The following CAMK1D variants were observed in gnomAD, a reference collection of about 807,000 sequenced individuals.
CAMK1D encodes calcium/calmodulin-dependent protein kinase type 1D.
Under a neutral mutation model 47.7 loss-of-function variants are expected in CAMK1D, and 9 were observed. That is an observed-to-expected ratio of 0.19 (90% CI 0.11 to 0.33). The LOEUF is 0.33. Ranked by LOEUF, CAMK1D falls within the 10% of genes least tolerant of loss-of-function variation. CAMK1D has a pLI of 1.00. For missense variants in CAMK1D, 291 were observed against 488.7 expected (o/e 0.60, Z 3.81); for synonymous variants, 184 against 184.9 (o/e 0.99, Z 0.04).
chr10:12,443,161 A>G (rs1330548622), intron 1 of CAMK1D, among the ~76,000 whole-genome samples: 1 of 152,170 alleles, frequency 6.6e-6, no homozygotes, highest in Non-Finnish European at 1.5e-5. Context: ...GTGAAGCCTC[A>G]GTAGTGAAAC....
At chr10:12,635,042 G>A (rs1423553296) in intron 2 of CAMK1D, among the ~76,000 whole-genome samples, 2 of 152,196 alleles carry the variant, frequency 1.3e-5, no homozygotes, top group African/African-American at 4.8e-5. Flanking sequence ...TGTTTTGATG[G>A]GGCGTATGTT....
chr10:12,392,946 C>T (rs1271007395), intron 1 of CAMK1D, among the ~76,000 whole-genome samples: 2 of 152,106 alleles, frequency 1.3e-5, no homozygotes, highest in African/African-American at 4.8e-5. Context: ...ACACAACACA[C>T]ACACACATAC....
At chr10:12,639,600 C>T (rs1222914303) in intron 2 of CAMK1D, among the ~76,000 whole-genome samples, 1 of 152,104 alleles carries the variant, frequency 6.6e-6, no homozygotes, top group Non-Finnish European at 1.5e-5. Context: ...GCCTCAGGAG[C>T]ATTTTCGTCT....
At chr10:12,718,251 C>T (rs1307241778) in intron 3 of CAMK1D, among the ~76,000 whole-genome samples, 6 of 152,044 alleles carry the variant, frequency 3.9e-5, no homozygotes, top group Non-Finnish European at 8.8e-5. Flanking sequence ...AAATAGGGTT[C>T]GAAAGACAAC....
intron 5 of CAMK1D, among the ~76,000 whole-genome samples, chr10:12,786,688 G>C (rs1004182686): frequency 3.3e-5 from 5 of 152,188 alleles, no homozygotes; most frequent in African/African-American, 1.2e-4. Context: ...CTTCCAAAAT[G>C]CTGGATTATA....
intron 2 of CAMK1D, among the ~76,000 whole-genome samples, chr10:12,633,704 G>T (rs1049498577): frequency 6.6e-6 from 1 of 151,822 alleles, no homozygotes; most frequent in Non-Finnish European, 1.5e-5. Context: ...CCACAGGCAC[G>T]CACCATCATG....
intron 1 of CAMK1D, among the ~76,000 whole-genome samples, chr10:12,357,262 C>G (rs770859441): frequency 5.3e-5 from 8 of 152,086 alleles, no homozygotes; most frequent in Non-Finnish European, 1.0e-4. Flanking sequence ...ACCTCTGCCA[C>G]CCGAGTTCAA....
intron 2 of CAMK1D, among the ~76,000 whole-genome samples, chr10:12,615,858 GTA>G (rs554907296): frequency 0.015 from 485 of 33,174 alleles, 4 homozygotes; most frequent in Middle Eastern, 0.14. Flanking sequence ...GTGTAGGTGT[GTA>G]TGCATGTATG....
intron 1 of CAMK1D, among the ~76,000 whole-genome samples, chr10:12,423,479 C>T (rs750878066): frequency 8.6e-5 from 13 of 152,006 alleles, no homozygotes; most frequent in South Asian, 2.1e-4. Flanking sequence ...CCTGTGACTA[C>T]GCTCCAGCCC....
intron 1 of CAMK1D, among the ~76,000 whole-genome samples, chr10:12,503,708 A>T (rs1435814300): frequency 2.0e-5 from 3 of 152,174 alleles, no homozygotes; most frequent in Non-Finnish European, 4.4e-5. Context: ...GATTTCTAAC[A>T]AAATGATTTT....
At chr10:12,810,372 T>A (rs542967738) in intron 6 of CAMK1D, among the ~76,000 whole-genome samples, 164 of 150,834 alleles carry the variant, frequency 1.1e-3, no homozygotes, top group African/African-American at 3.8e-3. Context: ...CCTCCCGGGT[T>A]CAAGCAATTC....
At chr10:12,430,082 A>G (rs1312633169) in intron 1 of CAMK1D, among the ~76,000 whole-genome samples, 1 of 152,004 alleles carries the variant, frequency 6.6e-6, no homozygotes, top group East Asian at 1.9e-4. Flanking sequence ...TGTCATACAT[A>G]ATGACAAAAA....
At chr10:12,588,690 A>G (rs1837894176) in intron 2 of CAMK1D, among the ~76,000 whole-genome samples, 1 of 152,002 alleles carries the variant, frequency 6.6e-6, no homozygotes, top group African/African-American at 2.4e-5. Flanking sequence ...CATCCAAGAA[A>G]ACCACAAGCC....
intron 10 of CAMK1D, 197 bp downstream of exon 10, chr10:12,825,887 A>T: frequency 1.2e-6 from 1 of 818,968 alleles, no homozygotes; most frequent in Non-Finnish European, 1.8e-6. Flanking sequence ...CTGTAATCCC[A>T]ACACTTTGGG....
intron 1 of CAMK1D, among the ~76,000 whole-genome samples, chr10:12,406,921 G>C (rs139302143): frequency 7.2e-4 from 110 of 152,094 alleles, no homozygotes; most frequent in African/African-American, 2.1e-3. Context: ...AGGAGATCGA[G>C]GCCACCTAGG....
intron 3 of CAMK1D, among the ~76,000 whole-genome samples, chr10:12,707,961 C>G (rs914584624): frequency 6.6e-6 from 1 of 152,206 alleles, no homozygotes; most frequent in Admixed American, 6.5e-5. Flanking sequence ...GGGATCCCCC[C>G]TCTGCCCGAC....
intron 5 of CAMK1D, among the ~76,000 whole-genome samples, chr10:12,781,798 C>T (rs775358395): frequency 3.3e-5 from 5 of 151,906 alleles, no homozygotes; most frequent in Admixed American, 6.6e-5. Context: ...ATTACAAGCA[C>T]GCATCACTGC....
intron 2 of CAMK1D, among the ~76,000 whole-genome samples, chr10:12,599,034 G>T (rs145506913): frequency 6.6e-6 from 1 of 152,170 alleles, no homozygotes; most frequent in Non-Finnish European, 1.5e-5. Flanking sequence ...TTCAGAGAGG[G>T]GGTGTGACCT....
rs12251901 is a variant in CAMK1D, at chr10:12,760,214, C to A, written c.300-734C>A. ...CACAGGGCTTCTTGACCCTTGCCAA[C>A]CTAGTCCCATTTTGAAAAATGTTTA... On this transcript the variant is annotated intron_variant, in intron 3 of 10. Coordinates refer to ENST00000619168, the MANE Select transcript of CAMK1D (RefSeq NM_153498.4). Among the ~76,000 whole-genome samples, 1,397 of 152,260 alleles carry A rather than the reference C, an allele frequency of 9.2e-3. 31 individuals are homozygous for A. Among genetic ancestry groups the A allele is most frequent in the African/African-American group, 0.031 (1,291 of 41,530 alleles).
Sources: gnomAD v4.1 joint callset for allele counts (sites outside exome capture counted in the v4.1 genomes callset) on GRCh38, gnomAD v4.1.1 for gene constraint, MANE v1.5 for transcripts, NCBI Gene and HGNC (gene_info 2026-07-23, HGNC 2026-07-21) for gene names.